Variants in LSM4 observed in about 807,000 individuals in gnomAD.
The protein encoded by LSM4 is U6 snRNA-associated Sm-like protein LSm4.
LSM4 carries 15 observed loss-of-function variants against 22.3 expected under a neutral mutation model. That is an observed-to-expected ratio of 0.67 (90% CI 0.45 to 1.03). The LOEUF (loss-of-function observed/expected upper bound fraction) is 1.03, where lower values mean the gene tolerates loss of function less well. Ranked by LOEUF, LSM4 falls within the 50% of genes least tolerant of loss-of-function variation. The pLI, the probability that LSM4 is intolerant of heterozygous loss-of-function variation, is 0.00. For synonymous variants in LSM4, 90 were observed against 79.8 expected (o/e 1.13, Z -0.68); for missense variants, 127 against 198.0 (o/e 0.64, Z 2.15).
chr19:18,312,460 T>C (rs1329233582), intron 3 of LSM4, 144 bp downstream of exon 3: 5 of 674,378 alleles, frequency 7.4e-6, no homozygotes, highest in African/African-American at 7.2e-5. Context: ...CACCCTGCCC[T>C]GTCCCTCCTG....
In LSM4 at chr19:18,313,618, A is replaced by C. The variant is rs144991070; in HGVS notation, c.46-916T>G. Among the ~76,000 whole-genome samples the C allele has an allele frequency of 7.7e-3, 1,166 of 152,234 alleles. 23 individuals carry two copies. Among genetic ancestry groups the C allele is most frequent in the African/African-American group, 0.027 (1,102 of 41,518 alleles). On this transcript the variant is annotated intron_variant, in intron 2 of 4. Coordinates refer to ENST00000593829, the MANE Select transcript of LSM4 (RefSeq NM_012321.5). ...CTACAGCCTCAACCTCCTGGGCTCAAGCCATCCTCCCACCTCAGTTTCCCT... is the reference window on the plus strand; with the variant it reads ...CTACAGCCTCAACCTCCTGGGCTCACGCCATCCTCCCACCTCAGTTTCCCT...
At chr19:18,322,688 C>T (rs1006938018) in intron 1 of LSM4, among the ~76,000 whole-genome samples, 1 of 152,114 alleles carries the variant, frequency 6.6e-6, no homozygotes, top group Non-Finnish European at 1.5e-5. Flanking sequence ...GACCCCTTCC[C>T]TGCCCAAAAA....
At chr19:18,314,419 C>T (rs1970331265) in intron 2 of LSM4, among the ~76,000 whole-genome samples, 2 of 151,658 alleles carry the variant, frequency 1.3e-5, no homozygotes, top group South Asian at 4.2e-4. Context: ...CCCAGCTCCT[C>T]AGGAGGCTGA....
chr19:18,309,781 G>A lies in LSM4; in HGVS notation c.225C>T (p.Ile75=), dbSNP rs1313113823. The change falls in exon 4 of 5, where the codon ATC becomes ATT. Residue 75 remains isoleucine, a synonymous_variant. Coordinates refer to ENST00000593829, the MANE Select transcript of LSM4 (RefSeq NM_012321.5). The part of the protein sequence containing the change: ...TIKYLRIPDE[I]IDMVKEEVVA... Reference sequence around the variant, plus strand: ...CCACCTCCTCCTTGACCATGTCGATGATCTCGTCGGGGATGCGCAGGTACT... The same window carrying A: ...CCACCTCCTCCTTGACCATGTCGATAATCTCGTCGGGGATGCGCAGGTACT... 17 of 1,613,914 alleles carry A rather than the reference G, an allele frequency of 1.1e-5. No homozygotes were observed. The South Asian group carries it at 1.6e-4, about 16-fold the overall frequency.
chr19:18,315,309 C>G (rs1462151995), intron 2 of LSM4, among the ~76,000 whole-genome samples: 1 of 152,038 alleles, frequency 6.6e-6, no homozygotes, highest in Admixed American at 6.6e-5. Context: ...GCCACTACAC[C>G]CAGCTAATTT....
intron 2 of LSM4, among the ~76,000 whole-genome samples, chr19:18,313,349 C>A (rs1325732102): frequency 6.6e-6 from 1 of 152,204 alleles, no homozygotes; most frequent in Non-Finnish European, 1.5e-5. Flanking sequence ...GTGGGCACAG[C>A]TGGGCTGGTC....
intron 1 of LSM4, 113 bp downstream of exon 1, chr19:18,322,905 C>T: frequency 6.8e-7 from 1 of 1,471,644 alleles, no homozygotes; most frequent in Non-Finnish European, 9.2e-7. Flanking sequence ...GGACTCGAGG[C>T]TCGGACCTTA....
intron 1 of LSM4, among the ~76,000 whole-genome samples, chr19:18,320,945 C>G (rs1052001871): frequency 2.5e-4 from 38 of 152,184 alleles, no homozygotes; most frequent in African/African-American, 8.7e-4. Context: ...ATCTGGTTCT[C>G]AGGTCTAGAT....
At chr19:18,321,157 G>A (rs1342279530) in intron 1 of LSM4, among the ~76,000 whole-genome samples, 1 of 152,240 alleles carries the variant, frequency 6.6e-6, no homozygotes, top group Admixed American at 6.5e-5. Context: ...TCAGAAGGTG[G>A]GAAGGGGCTG....
At chr19:18,310,028 C>T (rs1299878676) in intron 3 of LSM4, 167 bp from the exon 4 acceptor site, 3 of 644,228 alleles carry the variant, frequency 4.7e-6, no homozygotes, top group Non-Finnish European at 7.9e-6. Context: ...ACCCTGCAGG[C>T]AGGATCTGTC....
chr19:18,316,858 A>G (rs1600169958), intron 1 of LSM4, among the ~76,000 whole-genome samples: 1 of 152,338 alleles, frequency 6.6e-6, no homozygotes, highest in East Asian at 1.9e-4. Context: ...AACTGGCCCA[A>G]GACTGACACT....
At position 18,322,872 on chromosome 19, in the gene LSM4, T is replaced by A. The variant is rs528394549; in HGVS notation, c.3+146A>T. On this transcript the variant is annotated intron_variant, in intron 1 of 4. Transcript: ENST00000593829. ...CCACCTGCAGTCTCCGGCCTCAGTT[T>A]CCCAGCCTCGTGCCGGGGGGCGGGA... The A allele has an allele frequency of 2.3e-3, 2,892 of 1,242,782 alleles. 5 individuals are homozygous for A. Among genetic ancestry groups the A allele is most frequent in the Non-Finnish European group, 3.0e-3 (2,693 of 883,532 alleles). 77.0% of individuals were successfully genotyped at this position (1,242,782 alleles called of 1,614,324 possible). A position where few individuals can be genotyped will look rare whatever the true frequency, so the allele number is the denominator to read the frequency against.
chr19:18,315,939 C>A (rs1037169479), intron 2 of LSM4, 85 bp downstream of exon 2: 1 of 1,292,806 alleles, frequency 7.7e-7, no homozygotes, highest in South Asian at 1.2e-5. Flanking sequence ...GACAGGCAGG[C>A]CAGGAAGCCG....
intron 1 of LSM4, among the ~76,000 whole-genome samples, chr19:18,322,413 T>C (rs1970434379): frequency 6.6e-6 from 1 of 152,066 alleles, no homozygotes; most frequent in South Asian, 2.1e-4. Context: ...TCCTTCTTTG[T>C]ATTGGGAGGA....
At chr19:18,316,665 G>A (rs144231305) in intron 1 of LSM4, among the ~76,000 whole-genome samples, 21 of 152,206 alleles carry the variant, frequency 1.4e-4, no homozygotes, top group African/African-American at 5.1e-4. Context: ...TGTATTTTAA[G>A]CTCAAACTGG....
chr19:18,319,651 A>G (rs1970402666), intron 1 of LSM4, among the ~76,000 whole-genome samples: 1 of 152,232 alleles, frequency 6.6e-6, no homozygotes, highest in Non-Finnish European at 1.5e-5. Flanking sequence ...GAGTCAAGGC[A>G]GACAGGCTCT....
intron 1 of LSM4, among the ~76,000 whole-genome samples, chr19:18,319,191 A>G (rs1453007225): frequency 2.0e-5 from 3 of 149,964 alleles, no homozygotes; most frequent in East Asian, 4.0e-4. Flanking sequence ...GCAGTGAGCC[A>G]AGATTGCGCC....
At chr19:18,310,917 C>T (rs1402164520) in intron 3 of LSM4, among the ~76,000 whole-genome samples, 3 of 152,312 alleles carry the variant, frequency 2.0e-5, no homozygotes, top group South Asian at 2.1e-4. Context: ...GAACTTTGCA[C>T]GTGGTTTTCC....
intron 1 of LSM4, 121 bp from the exon 2 acceptor site, chr19:18,316,186 G>A (rs1212818520): frequency 1.3e-6 from 1 of 764,876 alleles, no homozygotes; most frequent in East Asian, 2.8e-5. Context: ...AGGAGTGCGT[G>A]TCAATCACCC....
Sources: allele counts gnomAD v4.1 joint callset (sites outside exome capture counted in the v4.1 genomes callset), GRCh38; gene constraint gnomAD v4.1.1; transcripts MANE v1.5; gene names NCBI Gene and HGNC (gene_info 2026-07-23, HGNC 2026-07-21).